NEBL: variants seen among roughly 807,000 people sequenced by gnomAD.
The protein encoded by NEBL is LIM and SH3 protein 2.
Under a neutral mutation model 140.2 loss-of-function variants are expected in NEBL, and 122 were observed. That is an observed-to-expected ratio of 0.87 (90% CI 0.75 to 1.01). The LOEUF (loss-of-function observed/expected upper bound fraction) is 1.01, where lower values mean the gene tolerates loss of function less well. NEBL is among the 50% of genes least tolerant of loss of function. The pLI is 0.00. For synonymous variants in NEBL, 436 were observed against 398.9 expected (o/e 1.09, Z -1.11); for missense variants, 1,365 against 1,231.3 (o/e 1.11, Z -1.62).
chr10:21,263,601 T>TAAA (rs1842765533), intron 1 of NEBL, among the ~76,000 whole-genome samples: 1 of 152,232 alleles, frequency 6.6e-6, no homozygotes, highest in Non-Finnish European at 1.5e-5. Flanking sequence ...TGATTATTCT[T>TAAA]GCTTTAAAAT....
At chr10:21,169,063 AAAAAATATATATATATAT>A (rs1303951142) in intron 2 of NEBL, among the ~76,000 whole-genome samples, 12 of 35,310 alleles carry the variant, frequency 3.4e-4, no homozygotes, top group African/African-American at 7.0e-4. Flanking sequence ...AAAAAAAAAA[AAAAAATATATATATATAT>A]ATATATATAT....
Position 20,787,357 on chromosome 10 carries a change from G to A in NEBL, c.2762-49C>T, listed in dbSNP as rs370699378. Reference sequence around the variant, plus strand: ...ACAAAGATTCCTTAAAGTTAGCCTCGAAATACCCATCCCAAACCCTCAGAG... The same window carrying A: ...ACAAAGATTCCTTAAAGTTAGCCTCAAAATACCCATCCCAAACCCTCAGAG... On this transcript the variant is annotated intron_variant, in intron 26 of 27. Coordinates refer to ENST00000377122, the MANE Select transcript of NEBL (RefSeq NM_006393.3). The A allele has an allele frequency of 3.7e-5, 53 of 1,419,850 alleles. 1 individual carries two copies. Among genetic ancestry groups the A allele is most frequent in the Admixed American group, 2.9e-4 (16 of 55,620 alleles). 88.0% of individuals were successfully genotyped at this position (1,419,850 alleles called of 1,614,324 possible).
In NEBL at chr10:20,922,741, G is replaced by A. The variant is rs560767490; in HGVS notation, c.357+38931C>T. On this transcript the variant is annotated intron_variant, in intron 4 of 6. Transcript: ENST00000417816. ...CTCACCCAGCCTGACACACAGCTAA[G>A]GAACATTCTGAGCACTCGAGCCATC... Among the ~76,000 whole-genome samples, 19 of 152,250 alleles carry A rather than the reference G, an allele frequency of 1.2e-4. 1 individual carries two copies. In the South Asian group the frequency reaches 3.7e-3, roughly 30 times the overall value.
intron 4 of NEBL, among the ~76,000 whole-genome samples, chr10:20,951,376 G>T (rs941926112): frequency 8.8e-6 from 1 of 113,380 alleles, no homozygotes; most frequent in Admixed American, 9.1e-5. Flanking sequence ...AGCTATAGAA[G>T]AAAATATGAG....
intron 2 of NEBL, among the ~76,000 whole-genome samples, chr10:21,164,135 A>G (rs1019508190): frequency 2.0e-5 from 3 of 152,248 alleles, no homozygotes; most frequent in Non-Finnish European, 4.4e-5. Flanking sequence ...CATTTTACTT[A>G]GTTCCTAAAA....
At chr10:21,106,125 C>T (rs957256598) in intron 2 of NEBL, among the ~76,000 whole-genome samples, 3 of 151,916 alleles carry the variant, frequency 2.0e-5, no homozygotes, top group African/African-American at 7.3e-5. Context: ...GATTTTCTCC[C>T]ATTCTGTAGG....
chr10:21,130,908 T>C (rs961352129), intron 2 of NEBL, among the ~76,000 whole-genome samples: 4 of 151,504 alleles, frequency 2.6e-5, no homozygotes, highest in Admixed American at 6.6e-5. Flanking sequence ...AACAATAAAA[T>C]TGAAAAGCAG....
At chr10:21,106,055 T>C (rs1837702803) in intron 2 of NEBL, among the ~76,000 whole-genome samples, 1 of 152,056 alleles carries the variant, frequency 6.6e-6, no homozygotes, top group African/African-American at 2.4e-5. Flanking sequence ...TCTGGTAAAT[T>C]TGTTTAAGTT....
Position 20,923,666 on chromosome 10 carries a change from C to CAAAAAAAAAAAAAAAAAAAAAAAAAAAA in NEBL, c.357+37978_357+38005dup, listed in dbSNP as rs71390799. 4.9e-4 allele frequency among the ~76,000 whole-genome samples: 14 copies of CAAAAAAAAAAAAAAAAAAAAAAAAAAAA among 28,368 alleles called. 3 individuals are homozygous for CAAAAAAAAAAAAAAAAAAAAAAAAAAAA. Among genetic ancestry groups the CAAAAAAAAAAAAAAAAAAAAAAAAAAAA allele is most frequent in the East Asian group, 2.3e-3 (2 of 868 alleles). The allele number at this position is 28,368 out of a possible 152,430, so 18.6% of individuals were successfully genotyped here. ...TGCACTCCAGAGCAAGACTCCGTCT[C>CAAAAAAAAAAAAAAAAAAAAAAAAAAAA]AAAAAAAAAAAAAAAAAAAAAAAAA... On this transcript the variant is annotated intron_variant, in intron 4 of 6. Coordinates refer to the NEBL transcript ENST00000417816.
intron 3 of NEBL, among the ~76,000 whole-genome samples, chr10:20,996,308 G>A (rs956051578): frequency 4.6e-5 from 7 of 152,118 alleles, no homozygotes; most frequent in African/African-American, 1.4e-4. Flanking sequence ...TTTTTTACTT[G>A]CAATTGCCAT....
chr10:20,791,258 A>G (rs7910371), intron 26 of NEBL, among the ~76,000 whole-genome samples: 3,666 of 152,338 alleles, frequency 0.024, 165 homozygotes, highest in African/African-American at 0.081. Context: ...CTTCTACTGT[A>G]CAATAAAGTA....
chr10:20,925,029 A>G (rs2131513784), intron 4 of NEBL, among the ~76,000 whole-genome samples: 1 of 151,948 alleles, frequency 6.6e-6, no homozygotes, highest in East Asian at 1.9e-4. Flanking sequence ...TAACTAGCAT[A>G]TTAAAAAAAA....
chr10:21,173,938 T>TGCGG lies in NEBL; in HGVS notation c.-109_-106dup. On this transcript the variant is annotated 5_prime_UTR_variant, in exon 1 of 7. Transcript: ENST00000417816. The surrounding 1 kb of genome is among the most constrained non-coding windows in gnomAD (Gnocchi z 5.7). ...ACCGCCTCCTGGCAGGCGGGAGGGCTGCGGGCGGCGGGCGCCGGGTAGGGA... is the reference window on the plus strand; with the variant it reads ...ACCGCCTCCTGGCAGGCGGGAGGGCTGCGGGCGGGCGGCGGGCGCCGGGTAGGGA... 9.3e-6 allele frequency: 13 copies of TGCGG among 1,400,520 alleles called. No homozygotes were observed. Among genetic ancestry groups the TGCGG allele is most frequent in the African/African-American group, 7.6e-5 (5 of 65,502 alleles). The allele number at this position is 1,400,520 out of a possible 1,614,324, so 86.8% of individuals were successfully genotyped here.
At chr10:20,802,208 C>T (rs564745808) in intron 26 of NEBL, among the ~76,000 whole-genome samples, 2 of 152,056 alleles carry the variant, frequency 1.3e-5, no homozygotes, top group Non-Finnish European at 2.9e-5. Context: ...AAAGTAATAC[C>T]GGGAAGCAGA....
chr10:20,898,814 T>A (rs1257757056), upstream of NEBL, among the ~76,000 whole-genome samples: 1 of 152,192 alleles, frequency 6.6e-6, no homozygotes. Context: ...ATCTTTTTTT[T>A]AATCATACCC....
intron 2 of NEBL, among the ~76,000 whole-genome samples, chr10:21,109,737 T>C (rs1052263870): frequency 1.3e-5 from 2 of 152,210 alleles, no homozygotes; most frequent in African/African-American, 4.8e-5. Context: ...GGAGAATGTA[T>C]GTGTCCAGGA....
chr10:20,831,311 A>G lies in NEBL; in HGVS notation c.1561-5T>C, dbSNP rs1179362403. 1 of 1,596,216 alleles carries G rather than the reference A, an allele frequency of 6.3e-7. No homozygotes were observed. Among genetic ancestry groups the G allele is most frequent in the Non-Finnish European group, 8.6e-7 (1 of 1,165,176 alleles). ...TAAGTCCTTCTTGTATTGTTTCTAA[A>G]AGAACAGAAAATAATCTTAGAGCTT... On this transcript the variant is annotated splice_polypyrimidine_tract_variant and splice_region_variant and intron_variant, in intron 15 of 27. Transcript: ENST00000377122.
At chr10:21,126,010 A>G (rs755733249) in intron 2 of NEBL, 2 of 1,613,934 alleles carry the variant, frequency 1.2e-6, no homozygotes, top group South Asian at 2.2e-5. Flanking sequence ...ACTGAAGCTG[A>G]CTCTCCGCAG....
intron 4 of NEBL, among the ~76,000 whole-genome samples, chr10:20,882,111 G>A (rs788956): frequency 0.22 from 34,071 of 151,886 alleles, 4,217 homozygotes; most frequent in East Asian, 0.41. Flanking sequence ...CCAGGAGGTC[G>A]AGGCTGCAGT....
Sources: allele counts gnomAD v4.1 joint callset (sites outside exome capture counted in the v4.1 genomes callset), GRCh38; gene constraint gnomAD v4.1.1; non-coding constraint Gnocchi (gnomAD v3.1); transcripts MANE v1.5; gene names NCBI Gene and HGNC (gene_info 2026-07-23, HGNC 2026-07-21).